RIMBP2: variants seen among roughly 807,000 people sequenced by gnomAD.
The protein encoded by RIMBP2 is RIMS binding protein 2, also known as RIMS-binding protein 2.
RIMBP2 carries 48 observed loss-of-function variants against 118.6 expected under a neutral mutation model. That is an observed-to-expected ratio of 0.40 (90% CI 0.32 to 0.51). The LOEUF (loss-of-function observed/expected upper bound fraction) is 0.51. Among genes scored for constraint, RIMBP2 ranks in the 20% least tolerant of loss-of-function variants. The pLI is 0.41. For synonymous variants in RIMBP2, 762 were observed against 742.9 expected, an observed-to-expected ratio of 1.03 and a Z score of -0.42; for missense variants, 1,551 against 1,768.3, an observed-to-expected ratio of 0.88 and a Z score of 2.20.
intron 2 of RIMBP2, among the ~76,000 whole-genome samples, chr12:130,541,863 C>T (rs534352218): frequency 6.6e-6 from 1 of 152,336 alleles, no homozygotes; most frequent in African/African-American, 2.4e-5. Flanking sequence ...GGTGTACTAG[C>T]TCATGGGATG....
chr12:130,583,287 G>C (rs550401499), intron 2 of RIMBP2, among the ~76,000 whole-genome samples: 64 of 152,224 alleles, frequency 4.2e-4, no homozygotes, highest in Middle Eastern at 3.4e-3. Flanking sequence ...GGATTGTCAG[G>C]AAGATTAAAT....
rs549700311 is a variant in RIMBP2 at position 130,710,276 on chromosome 12, C to T, written c.-352+5946G>A. On this transcript the variant is annotated intron_variant, in intron 1 of 22. Transcript: ENST00000690449. This position sits in a 1 kb window ranked among gnomAD's most constrained non-coding sequence, Gnocchi z 4.3. ...CCTTCTCAGGGTCCTGTCTCAGCTT[C>T]AACGCCACCTCCTCCCTGAGACCCT... is the stretch of plus-strand genomic sequence containing the variant. 6.6e-6 allele frequency among the ~76,000 whole-genome samples: 1 copy of T among 152,260 alleles called. No homozygotes were observed. Among genetic ancestry groups the T allele is most frequent in the South Asian group, 2.1e-4 (1 of 4,816 alleles).
chr12:130,615,090 G>T (rs1448750797), intron 2 of RIMBP2, among the ~76,000 whole-genome samples: 5 of 146,072 alleles, frequency 3.4e-5, no homozygotes, highest in Non-Finnish European at 6.0e-5. Context: ...ACGTGTATGT[G>T]TATATATGTG....
At chr12:130,685,872 G>C (rs1332461388) in intron 1 of RIMBP2, among the ~76,000 whole-genome samples, 1 of 152,182 alleles carries the variant, frequency 6.6e-6, no homozygotes, top group Non-Finnish European at 1.5e-5. Context: ...TGGTGGACCA[G>C]AACAAAATGC....
At chr12:130,702,581 A>AAGGGAGGG (rs2065911418) in intron 1 of RIMBP2, among the ~76,000 whole-genome samples, 1 of 147,482 alleles carries the variant, frequency 6.8e-6, no homozygotes, top group Non-Finnish European at 1.5e-5. Flanking sequence ...GGAAGGAAGG[A>AAGGGAGGG]AGGAAGAAGG....
intron 2 of RIMBP2, among the ~76,000 whole-genome samples, chr12:130,579,877 A>G (rs1327435171): frequency 6.6e-6 from 1 of 152,052 alleles, no homozygotes; most frequent in Non-Finnish European, 1.5e-5. Flanking sequence ...ACCATCACTT[A>G]ATAAAGACCA....
chr12:130,422,282 C>G lies in RIMBP2; in HGVS notation c.3238+171G>C, dbSNP rs1420993080. Among the ~76,000 whole-genome samples, 1 of 152,240 alleles carries G rather than the reference C, an allele frequency of 6.6e-6. No individual in the cohort carries two copies. The highest frequency in any genetic ancestry group is 1.5e-5 in the Non-Finnish European group (1 of 68,050). On this transcript the variant is annotated intron_variant, in intron 17 of 22. Transcript: ENST00000690449. This position sits in a 1 kb window ranked among gnomAD's most constrained non-coding sequence, Gnocchi z 5.2. ...CAATTTGATATTTCAAGAATACTTA[C>G]AAATAGCTTTCATTTATCTTGTGCT...
intron 2 of RIMBP2, among the ~76,000 whole-genome samples, chr12:130,556,027 C>T (rs1374885798): frequency 1.3e-5 from 2 of 152,186 alleles, no homozygotes; most frequent in African/African-American, 4.8e-5. Context: ...TCTGCCCCCT[C>T]GTACTTCGGG....
intron 2 of RIMBP2, among the ~76,000 whole-genome samples, chr12:130,546,177 C>T (rs1229752678): frequency 6.9e-6 from 1 of 145,744 alleles, no homozygotes; most frequent in African/African-American, 2.5e-5. Context: ...AATCTTGGCT[C>T]ACTGCAACCT....
rs538279064 is a variant in RIMBP2, at chr12:130,540,346, C to T, written c.-216-22429G>A. Among the ~76,000 whole-genome samples the T allele has an allele frequency of 2.4e-4, 36 of 152,244 alleles. No homozygotes were observed. The East Asian group carries it at 5.2e-3, about 22-fold the overall frequency. On this transcript the variant is annotated intron_variant, in intron 2 of 22. Transcript: ENST00000690449. ...GACAAAGGCAGGTGAATTAAGGAAT[C>T]GCACACAAGAAAGGAGGTGAGCAGG...
chr12:130,424,989 T>G lies in RIMBP2; in HGVS notation c.2413-131A>C. The G allele has an allele frequency of 6.8e-6, 3 of 443,128 alleles. No individual in the cohort carries two copies. Among genetic ancestry groups the G allele is most frequent in the South Asian group, 1.2e-4 (1 of 8,144 alleles). 27.4% of individuals were successfully genotyped at this position (443,128 alleles called of 1,614,324 possible). On this transcript the variant is annotated intron_variant, in intron 15 of 22. Transcript: ENST00000690449. The surrounding 1 kb of genome is among the most constrained non-coding windows in gnomAD (Gnocchi z 9.8). ...CACCGAGGGGGGGGAAGCATGCGTC[T>G]ACTCAGGCCGGGGGCATGCCGTGGA... is the stretch of plus-strand genomic sequence containing the variant.
chr12:130,503,317 AC>A (rs1411570611), intron 4 of RIMBP2, among the ~76,000 whole-genome samples: 3 of 151,660 alleles, frequency 2.0e-5, no homozygotes, highest in African/African-American at 7.3e-5. Flanking sequence ...AATCTCTTGA[AC>A]CCGGGAAGTG....
chr12:130,586,151 G>C (rs983799017), intron 2 of RIMBP2, among the ~76,000 whole-genome samples: 1 of 152,206 alleles, frequency 6.6e-6, no homozygotes, highest in African/African-American at 2.4e-5. Flanking sequence ...TCCCTCAGGA[G>C]AATTTATAAA....
At chr12:130,569,242 C>T (rs892210985) in intron 2 of RIMBP2, among the ~76,000 whole-genome samples, 3 of 152,218 alleles carry the variant, frequency 2.0e-5, no homozygotes, top group Non-Finnish European at 4.4e-5. Flanking sequence ...ACCTCGGTCA[C>T]GACCTGAACG....
chr12:130,427,239 C>A (rs1015101179), intron 15 of RIMBP2: 3 of 152,228 alleles, frequency 2.0e-5, no homozygotes, highest in African/African-American at 7.2e-5. Flanking sequence ...TGCTGGGAAG[C>A]TTCGTCCCGG....
chr12:130,480,198 TACACACACACACACACAC>T (rs10580090), intron 4 of RIMBP2, among the ~76,000 whole-genome samples: 1 of 128,088 alleles, frequency 7.8e-6, no homozygotes, highest in African/African-American at 3.5e-5. Flanking sequence ...TTTCCTTTCA[TACACACACACACACACAC>T]ACACACACAC....
At chr12:130,441,600 T>C (rs1011659482) in intron 11 of RIMBP2, among the ~76,000 whole-genome samples, 2 of 152,078 alleles carry the variant, frequency 1.3e-5, no homozygotes, top group African/African-American at 4.8e-5. Flanking sequence ...CTGTCTTTTG[T>C]AGGATGAGCC....
chr12:130,420,337 G>A lies in RIMBP2; in HGVS notation c.3238+2116C>T, dbSNP rs749093336. 1.2e-4 allele frequency among the ~76,000 whole-genome samples: 18 copies of A among 150,208 alleles called. No homozygotes were observed. The highest frequency in any genetic ancestry group is 2.1e-4 in the Admixed American group (3 of 14,476). On this transcript the variant is annotated intron_variant, in intron 17 of 22. Coordinates refer to ENST00000690449, the MANE Select transcript of RIMBP2 (RefSeq NM_001393629.1). This position sits in a 1 kb window ranked among gnomAD's most constrained non-coding sequence, Gnocchi z 4.3. The stretch of plus-strand genomic sequence containing the variant: ...ATGATAAGAAGTCAGCACAATTAAA[G>A]CAAACCTATCATAGGTTTGTCAGTT...
At chr12:130,457,901 T>C (rs1200379911) in intron 6 of RIMBP2, among the ~76,000 whole-genome samples, 4 of 151,288 alleles carry the variant, frequency 2.6e-5, no homozygotes, top group African/African-American at 9.7e-5. Context: ...CTCCTTACTT[T>C]AGGATGGCCG....
Sources: allele counts gnomAD v4.1 joint callset (sites outside exome capture counted in the v4.1 genomes callset), GRCh38; gene constraint gnomAD v4.1.1; non-coding constraint Gnocchi (gnomAD v3.1); transcripts MANE v1.5; gene names NCBI Gene and HGNC (gene_info 2026-07-23, HGNC 2026-07-21).